Variants in NRXN3 observed in about 807,000 individuals in gnomAD.
NRXN3 encodes neurexin 3, also known as neurexin III.
NRXN3 carries 32 observed loss-of-function variants against 137.6 expected under a neutral mutation model. That is an observed-to-expected ratio of 0.23 (90% CI 0.18 to 0.31). The LOEUF (loss-of-function observed/expected upper bound fraction) is 0.31, where lower values mean the gene tolerates loss of function less well. Ranked by LOEUF, NRXN3 falls within the 10% of genes least tolerant of loss-of-function variation. The pLI, the probability that NRXN3 is intolerant of heterozygous loss-of-function variation, is 1.00. For synonymous variants in NRXN3, 798 were observed against 784.5 expected, an observed-to-expected ratio of 1.02 and a Z score of -0.29; for missense variants, 1,574 against 2,062.5, an observed-to-expected ratio of 0.76 and a Z score of 4.59.
At chr14:78,823,040 T>C (rs2098955729) in intron 10 of NRXN3, among the ~76,000 whole-genome samples, 1 of 152,092 alleles carries the variant, frequency 6.6e-6, no homozygotes, top group South Asian at 2.1e-4. Flanking sequence ...CCATAACCAG[T>C]CTCGAAGGCA....
chr14:79,846,693 C>CT, intron 20 of NRXN3, among the ~76,000 whole-genome samples: 1 of 152,250 alleles, frequency 6.6e-6, no homozygotes, highest in South Asian at 2.1e-4. Flanking sequence ...CTACTGTACC[C>CT]TACGCAGATT....
intron 4 of NRXN3, among the ~76,000 whole-genome samples, chr14:78,355,857 A>G (rs1355672000): frequency 6.6e-6 from 1 of 152,242 alleles, no homozygotes; most frequent in Non-Finnish European, 1.5e-5. Context: ...AGAGAATCAT[A>G]TAACCGTAAT....
chr14:79,388,398 T>G lies in NRXN3; in HGVS notation c.3263-78823T>G, dbSNP rs1416554242. Among the ~76,000 whole-genome samples, 5 of 152,150 alleles carry G rather than the reference T, an allele frequency of 3.3e-5. No homozygotes were observed. In the East Asian group the frequency reaches 9.6e-4, roughly 29 times the overall value. On this transcript the variant is annotated intron_variant, in intron 15 of 20. Transcript: ENST00000335750. ...TTTTTCTTTTAAGTATATTTTATAT[T>G]TAGATGCTACTATTAGCAGATGATT...
chr14:79,731,330 A>G (rs577056321), intron 19 of NRXN3, among the ~76,000 whole-genome samples: 1 of 152,184 alleles, frequency 6.6e-6, no homozygotes, highest in East Asian at 1.9e-4. Flanking sequence ...TTGAGCTGTG[A>G]TTTTACTTGT....
intron 8 of NRXN3, among the ~76,000 whole-genome samples, chr14:78,760,872 G>C (rs1445237075): frequency 6.6e-6 from 1 of 152,134 alleles, no homozygotes; most frequent in Non-Finnish European, 1.5e-5. Flanking sequence ...TCCTCATGAG[G>C]AGATAGGAGG....
intron 15 of NRXN3, among the ~76,000 whole-genome samples, chr14:79,258,309 A>T (rs775864667): frequency 6.6e-6 from 1 of 152,054 alleles, no homozygotes; most frequent in South Asian, 2.1e-4. Context: ...GTGATTCTCG[A>T]TTCTGGTGCC....
At chr14:78,983,012 T>C (rs2099493316) in intron 14 of NRXN3, among the ~76,000 whole-genome samples, 1 of 152,124 alleles carries the variant, frequency 6.6e-6, no homozygotes, top group South Asian at 2.1e-4. Flanking sequence ...GATATGCAGA[T>C]GGCCAACATA....
At chr14:78,980,590 G>A (rs888378808) in intron 14 of NRXN3, among the ~76,000 whole-genome samples, 34 of 152,176 alleles carry the variant, frequency 2.2e-4, no homozygotes, top group African/African-American at 8.0e-4. Flanking sequence ...GGGTGGATTA[G>A]AGCAGTAACA....
At chr14:78,652,367 C>G (rs1416918280) in intron 6 of NRXN3, among the ~76,000 whole-genome samples, 1 of 152,136 alleles carries the variant, frequency 6.6e-6, no homozygotes, top group Admixed American at 6.5e-5. Context: ...GAGCTTCAGC[C>G]AAGTGTAAGT....
chr14:79,187,983 G>C (rs2063741364), intron 15 of NRXN3, among the ~76,000 whole-genome samples: 1 of 152,094 alleles, frequency 6.6e-6, no homozygotes, highest in Non-Finnish European at 1.5e-5. Flanking sequence ...CTTGTGTCTT[G>C]GTGTAACATT....
intron 4 of NRXN3, among the ~76,000 whole-genome samples, chr14:78,432,983 G>A (rs2093944273): frequency 6.6e-6 from 1 of 152,184 alleles, no homozygotes; most frequent in African/African-American, 2.4e-5. Context: ...CTTAAAACAA[G>A]ATACGTTTAT....
chr14:79,818,853 T>C (rs563218160), intron 20 of NRXN3, among the ~76,000 whole-genome samples: 1 of 152,214 alleles, frequency 6.6e-6, no homozygotes, highest in Non-Finnish European at 1.5e-5. Context: ...TTATAATCCT[T>C]ATTCCAAGGC....
intron 16 of NRXN3, chr14:79,570,595 C>A (rs1358361927): frequency 6.6e-6 from 1 of 152,176 alleles, no homozygotes; most frequent in Non-Finnish European, 1.5e-5. Flanking sequence ...TCAGGTCAGG[C>A]CCTGAATCCT....
At chr14:79,693,190 T>C (rs1420806686) in intron 18 of NRXN3, among the ~76,000 whole-genome samples, 6 of 152,114 alleles carry the variant, frequency 3.9e-5, no homozygotes, top group Admixed American at 2.0e-4. Context: ...GTTGTTGTTG[T>C]TGAGCCAGTG....
At position 78,610,039 on chromosome 14, in the gene NRXN3, A is replaced by G. The variant is rs186839285; in HGVS notation, c.758-35081A>G. ...GGAGAGGGAGGAGAGAGGGAGGGAG[A>G]GAGAGAGAGAGAGAGGAGAGAGAGA... is the stretch of plus-strand genomic sequence containing the variant. On this transcript the variant is annotated intron_variant, in intron 4 of 20. Coordinates refer to ENST00000335750, the MANE Select transcript of NRXN3 (RefSeq NM_001330195.2). Among the ~76,000 whole-genome samples, 1,345 of 151,478 alleles carry G rather than the reference A, an allele frequency of 8.9e-3. 20 individuals are homozygous for G. The highest frequency in any genetic ancestry group is 0.031 in the African/African-American group (1,261 of 41,330).
chr14:79,266,504 A>T (rs141889922), intron 15 of NRXN3, among the ~76,000 whole-genome samples: 10 of 152,266 alleles, frequency 6.6e-5, no homozygotes, highest in South Asian at 2.1e-4. Flanking sequence ...TCACTTTGAG[A>T]GGATCAAAAC....
chr14:79,853,594 A>T (rs772812518), intron 20 of NRXN3: 1 of 1,351,344 alleles, frequency 7.4e-7, no homozygotes, highest in Non-Finnish European at 9.8e-7. Flanking sequence ...GGACATGGCG[A>T]CTCACTTACA....
chr14:78,540,116 ATTAG>A (rs1397995183), intron 4 of NRXN3, among the ~76,000 whole-genome samples: 4 of 152,216 alleles, frequency 2.6e-5, no homozygotes, highest in Non-Finnish European at 4.4e-5. Context: ...GTAGATGTCT[ATTAG>A]TTCTGCTTGT....
chr14:79,085,705 A>C (rs1293445462), intron 15 of NRXN3, among the ~76,000 whole-genome samples: 3 of 152,204 alleles, frequency 2.0e-5, no homozygotes, highest in Non-Finnish European at 4.4e-5. Context: ...GATACGTAGA[A>C]TTAGATGGCG....
Sources: gnomAD v4.1 joint callset for allele counts (sites outside exome capture counted in the v4.1 genomes callset) on GRCh38, gnomAD v4.1.1 for gene constraint, MANE v1.5 for transcripts, NCBI Gene and HGNC (gene_info 2026-07-23, HGNC 2026-07-21) for gene names.